Variants in RCOR1 observed in about 807,000 individuals in gnomAD.
RCOR1 encodes REST corepressor 1.
A neutral mutation model predicts 64.0 loss-of-function variants in RCOR1; 12 were observed. That is an observed-to-expected ratio of 0.19 (90% CI 0.12 to 0.30). The LOEUF (loss-of-function observed/expected upper bound fraction) is 0.30. Among genes scored for constraint, RCOR1 ranks in the 10% least tolerant of loss-of-function variants. The pLI, the probability that RCOR1 is intolerant of heterozygous loss-of-function variation, is 1.00. For missense variants in RCOR1, 502 were observed against 621.2 expected, an observed-to-expected ratio of 0.81 and a Z score of 2.04; for synonymous variants, 279 against 227.2, an observed-to-expected ratio of 1.23 and a Z score of -2.05.
chr14:102,659,552 G>C (rs961328210), intron 2 of RCOR1, among the ~76,000 whole-genome samples: 1 of 152,160 alleles, frequency 6.6e-6, no homozygotes, highest in Non-Finnish European at 1.5e-5. Context: ...GCTGGAATAG[G>C]CATGGGGTCC....
intron 3 of RCOR1, among the ~76,000 whole-genome samples, chr14:102,689,238 T>C (rs1296844465): frequency 6.6e-6 from 1 of 152,192 alleles, no homozygotes; most frequent in African/African-American, 2.4e-5. Flanking sequence ...TGGTTAAATA[T>C]AATGCAAAAC....
At chr14:102,603,628 C>CT (rs890391762) in intron 2 of RCOR1, among the ~76,000 whole-genome samples, 3 of 150,704 alleles carry the variant, frequency 2.0e-5, no homozygotes, top group Admixed American at 1.3e-4. Context: ...TGCTATTTTT[C>CT]TTTTTTTTCC....
At chr14:102,624,333 A>G (rs1026033994) in intron 2 of RCOR1, among the ~76,000 whole-genome samples, 8 of 149,624 alleles carry the variant, frequency 5.3e-5, no homozygotes, top group African/African-American at 9.9e-5. Context: ...GTGAAACCCT[A>G]CCTCTACAAA....
chr14:102,602,281 A>C (rs1414516728), intron 2 of RCOR1, among the ~76,000 whole-genome samples: 2 of 152,188 alleles, frequency 1.3e-5, no homozygotes, highest in African/African-American at 4.8e-5. Flanking sequence ...CTAGCAAGGT[A>C]AACAACTTTG....
chr14:102,690,555 C>T lies in RCOR1; in HGVS notation c.445+8577C>T, dbSNP rs188438722. Among the ~76,000 whole-genome samples the T allele has an allele frequency of 7.2e-5, 11 of 152,106 alleles. No homozygotes were observed. The East Asian group carries it at 9.7e-4, about 13-fold the overall frequency. On this transcript the variant is annotated intron_variant, in intron 3 of 11. Transcript: ENST00000262241. ...GCAGTGAGCTGTGATTGCGCCACTGCACTCCAGCCTGGGCAACAGCAGGAC... is the reference window on the plus strand; with the variant it reads ...GCAGTGAGCTGTGATTGCGCCACTGTACTCCAGCCTGGGCAACAGCAGGAC...
chr14:102,653,830 C>T (rs1057294510), intron 2 of RCOR1, among the ~76,000 whole-genome samples: 1 of 151,880 alleles, frequency 6.6e-6, no homozygotes, highest in Non-Finnish European at 1.5e-5. Context: ...GAGCAGATGC[C>T]AGCATCATGC....
At chr14:102,650,458 A>T (rs906223702) in intron 2 of RCOR1, among the ~76,000 whole-genome samples, 1 of 152,178 alleles carries the variant, frequency 6.6e-6, no homozygotes, top group African/African-American at 2.4e-5. Flanking sequence ...AGATTAGTCT[A>T]TTCTGAAGTA....
At chr14:102,685,697 C>T (rs1012318257) in intron 3 of RCOR1, among the ~76,000 whole-genome samples, 1 of 152,136 alleles carries the variant, frequency 6.6e-6, no homozygotes, top group African/African-American at 2.4e-5. Flanking sequence ...TGCGGTGTCT[C>T]ACCCCTGTAA....
chr14:102,636,951 A>T (rs921235669), intron 2 of RCOR1, among the ~76,000 whole-genome samples: 2 of 151,976 alleles, frequency 1.3e-5, no homozygotes, highest in Non-Finnish European at 2.9e-5. Flanking sequence ...AGCCTGGGTG[A>T]CAAGAGTGAA....
intron 5 of RCOR1, among the ~76,000 whole-genome samples, chr14:102,707,907 G>A (rs1030897954): frequency 1.7e-4 from 25 of 151,480 alleles, no homozygotes; most frequent in African/African-American, 5.6e-4. Context: ...TCCTGCCTCA[G>A]CCTCCTGAGT....
At chr14:102,704,729 C>T (rs1157281185) in intron 4 of RCOR1, among the ~76,000 whole-genome samples, 3 of 152,218 alleles carry the variant, frequency 2.0e-5, no homozygotes, top group Non-Finnish European at 2.9e-5. Context: ...CGCGCCCAGC[C>T]CCCTTCTAGG....
intron 2 of RCOR1, among the ~76,000 whole-genome samples, chr14:102,606,826 G>A (rs371238793): frequency 1.3e-4 from 19 of 151,446 alleles, no homozygotes; most frequent in South Asian, 2.1e-4. Context: ...GTATAAACTC[G>A]TCAGAGCTAA....
At chr14:102,647,475 C>T (rs906032152) in intron 2 of RCOR1, among the ~76,000 whole-genome samples, 9 of 151,982 alleles carry the variant, frequency 5.9e-5, no homozygotes, top group East Asian at 3.9e-4. Context: ...GACCACCATG[C>T]TTGGCTAATT....
At chr14:102,676,345 C>G (rs1895153432) in intron 2 of RCOR1, among the ~76,000 whole-genome samples, 1 of 142,674 alleles carries the variant, frequency 7.0e-6, no homozygotes. Flanking sequence ...GGGGGCTGAC[C>G]CCCCCACCAC....
At chr14:102,683,340 A>G (rs755868366) in intron 3 of RCOR1, among the ~76,000 whole-genome samples, 1 of 152,166 alleles carries the variant, frequency 6.6e-6, no homozygotes, top group Non-Finnish European at 1.5e-5. Flanking sequence ...ATATCAATAC[A>G]CGATTCTTAC....
Position 102,592,729 on chromosome 14 carries a change from C to G in RCOR1, c.-158C>G, listed in dbSNP as rs1443832719. On this transcript the variant is annotated 5_prime_UTR_variant, in exon 1 of 12. Transcript: ENST00000262241. Reference sequence around the variant, plus strand: ...TGGGGGCTTGAAGCGGCTCCGCGCTCTGCCCGTTTGGGCCTCCCCCGACTC... The same window carrying G: ...TGGGGGCTTGAAGCGGCTCCGCGCTGTGCCCGTTTGGGCCTCCCCCGACTC... The G allele has an allele frequency of 4.1e-6, 5 of 1,224,350 alleles. No individual in the cohort carries two copies. In the East Asian group the frequency reaches 1.6e-4, roughly 39 times the overall value. 75.8% of individuals were successfully genotyped at this position (1,224,350 alleles called of 1,614,324 possible).
intron 2 of RCOR1, among the ~76,000 whole-genome samples, chr14:102,609,681 A>G (rs1182234718): frequency 6.6e-6 from 1 of 151,668 alleles, no homozygotes; most frequent in African/African-American, 2.4e-5. Context: ...TCCTGACCTC[A>G]GGTGATCTGC....
At chr14:102,631,575 A>G (rs1190344) in intron 2 of RCOR1, among the ~76,000 whole-genome samples, 84,466 of 151,828 alleles carry the variant, frequency 0.56, 25,616 homozygotes, top group South Asian at 0.7. Context: ...ATAAACTGGA[A>G]CTGTCCTCAC....
intron 2 of RCOR1, among the ~76,000 whole-genome samples, chr14:102,637,315 C>T (rs902868326): frequency 3.3e-5 from 5 of 151,594 alleles, no homozygotes; most frequent in Non-Finnish European, 5.9e-5. Flanking sequence ...TTAGTAGAGA[C>T]GGGGTTTTAC....
Sources: allele counts gnomAD v4.1 joint callset (sites outside exome capture counted in the v4.1 genomes callset), GRCh38; gene constraint gnomAD v4.1.1; transcripts MANE v1.5; gene names NCBI Gene and HGNC (gene_info 2026-07-23, HGNC 2026-07-21).